COMMD10: variants seen among roughly 807,000 people sequenced by gnomAD.
The protein encoded by COMMD10 is COMM domain containing 10.
COMMD10 carries 33 observed loss-of-function variants against 28.9 expected under a neutral mutation model. The observed-to-expected ratio is 1.14, with a 90% CI of 0.87 to 1.53. The LOEUF is 1.53. Ranked by LOEUF, COMMD10 falls within the 40% of genes most tolerant of loss-of-function variation. The pLI is 0.00. For synonymous variants in COMMD10, 110 were observed against 81.7 expected (o/e 1.35, Z -1.87); for missense variants, 310 against 233.4 (o/e 1.33, Z -2.14).
chr5:116,284,166 T>A (rs969702439), intron 5 of COMMD10, among the ~76,000 whole-genome samples: 1 of 150,608 alleles, frequency 6.6e-6, no homozygotes, highest in African/African-American at 2.5e-5. Flanking sequence ...GATCAGCAAA[T>A]TTAATTTCTT....
chr5:116,109,512 T>C (rs1381306612), intron 4 of COMMD10, among the ~76,000 whole-genome samples: 1 of 152,176 alleles, frequency 6.6e-6, no homozygotes, highest in Non-Finnish European at 1.5e-5. Context: ...GAGAATTGCT[T>C]GAACCTGGGA....
At chr5:116,239,068 C>A (rs1463666660) in intron 5 of COMMD10, among the ~76,000 whole-genome samples, 1 of 152,136 alleles carries the variant, frequency 6.6e-6, no homozygotes, top group Non-Finnish European at 1.5e-5. Context: ...AAGTTCTTAA[C>A]TGTTGTCTCT....
At chr5:116,129,804 A>G (rs1233630743) in intron 4 of COMMD10, among the ~76,000 whole-genome samples, 2 of 144,930 alleles carry the variant, frequency 1.4e-5, no homozygotes, top group Non-Finnish European at 3.0e-5. Flanking sequence ...TATACTATAT[A>G]ATATATATTA....
At chr5:116,273,959 T>C (rs1169899747) in intron 5 of COMMD10, among the ~76,000 whole-genome samples, 1 of 151,788 alleles carries the variant, frequency 6.6e-6, no homozygotes, top group Non-Finnish European at 1.5e-5. Context: ...TAGAGAACTT[T>C]AGATGATATC....
At chr5:116,288,202 C>G (rs1427984938) in intron 5 of COMMD10, among the ~76,000 whole-genome samples, 4 of 151,744 alleles carry the variant, frequency 2.6e-5, no homozygotes, top group African/African-American at 9.7e-5. Flanking sequence ...TTGCCAGATG[C>G]AGTATTCCTG....
At chr5:116,183,616 A>T (rs1748046263) in intron 5 of COMMD10, among the ~76,000 whole-genome samples, 1 of 152,120 alleles carries the variant, frequency 6.6e-6, no homozygotes, top group Admixed American at 6.6e-5. Context: ...CTGTTTCTTT[A>T]TATTTTAAAG....
chr5:116,236,950 G>T (rs535594082), intron 5 of COMMD10, among the ~76,000 whole-genome samples: 143 of 152,138 alleles, frequency 9.4e-4, no homozygotes, highest in African/African-American at 2.6e-3. Context: ...AACTAAAGCC[G>T]ATCTAAAATA....
At chr5:116,214,947 T>A (rs1749059265) in intron 5 of COMMD10, among the ~76,000 whole-genome samples, 1 of 152,072 alleles carries the variant, frequency 6.6e-6, no homozygotes. Context: ...AGTCACAAAT[T>A]ATGGGGCTGG....
At chr5:116,113,639 T>G (rs866556109) in intron 4 of COMMD10, among the ~76,000 whole-genome samples, 1 of 152,106 alleles carries the variant, frequency 6.6e-6, no homozygotes, top group South Asian at 2.1e-4. Flanking sequence ...TTCCAGGATT[T>G]TTTTAAAGAC....
intron 5 of COMMD10, among the ~76,000 whole-genome samples, chr5:116,207,666 C>T (rs2112630140): frequency 6.6e-6 from 1 of 152,222 alleles, no homozygotes; most frequent in South Asian, 2.1e-4. Flanking sequence ...GCTGGGACCC[C>T]AGGCATGCAT....
chr5:116,205,562 A>G (rs1157070353), intron 5 of COMMD10, among the ~76,000 whole-genome samples: 1 of 152,184 alleles, frequency 6.6e-6, no homozygotes, highest in African/African-American at 2.4e-5. Context: ...ATATGTATAT[A>G]TACATGTGTG....
chr5:116,200,528 C>T (rs935461063), intron 5 of COMMD10, among the ~76,000 whole-genome samples: 8 of 151,790 alleles, frequency 5.3e-5, no homozygotes, highest in African/African-American at 1.9e-4. Flanking sequence ...GTTCTTTTCT[C>T]TTTCTTCTTC....
intron 5 of COMMD10, among the ~76,000 whole-genome samples, chr5:116,203,444 T>A (rs11738109): frequency 0.59 from 89,463 of 151,096 alleles, 30,577 homozygotes; most frequent in South Asian, 0.77. Context: ...ATTGTCACAT[T>A]CACCAAAGTT....
chr5:116,179,137 G>A (rs1567337), intron 5 of COMMD10, among the ~76,000 whole-genome samples: 61,967 of 151,956 alleles, frequency 0.41, 16,764 homozygotes, highest in African/African-American at 0.78. Flanking sequence ...TTGCAAAAAT[G>A]TAAAACGTAC....
At chr5:116,284,585 A>G (rs1280913086) in intron 5 of COMMD10, among the ~76,000 whole-genome samples, 1 of 151,888 alleles carries the variant, frequency 6.6e-6, no homozygotes, top group East Asian at 1.9e-4. Flanking sequence ...TTATCTAATG[A>G]CAGTGGTAGG....
At chr5:116,292,140 A>G (rs1176917599) in intron 6 of COMMD10, among the ~76,000 whole-genome samples, 1 of 151,732 alleles carries the variant, frequency 6.6e-6, no homozygotes, top group African/African-American at 2.4e-5. Context: ...ATAAAACCCC[A>G]TGTCTCATTA....
In COMMD10 at chr5:116,091,148, C is replaced by G. The variant is rs1419274426; in HGVS notation, c.202C>G (p.Leu68Val). 1 of 1,609,670 alleles carries G rather than the reference C, an allele frequency of 6.2e-7. No homozygotes were observed. Among genetic ancestry groups the G allele is most frequent in the Non-Finnish European group, 8.5e-7 (1 of 1,177,508 alleles). The change falls in exon 3 of 7, where the codon CTT becomes GTT. Residue 68 changes from leucine to valine, a missense_variant. Transcript: ENST00000274458. ...QAAFSLEKQDLHLVLETISFI... is the reference protein window; with the variant it reads ...QAAFSLEKQDVHLVLETISFI... ...GGCATTTTCTCTAGAGAAACAAGAT[C>G]TTCACCTAGTTCTTGAAACAATATC...
At chr5:116,178,579 A>T (rs928963877) in intron 5 of COMMD10, among the ~76,000 whole-genome samples, 4 of 152,106 alleles carry the variant, frequency 2.6e-5, no homozygotes, top group Non-Finnish European at 5.9e-5. Flanking sequence ...AACGGGGATG[A>T]TGCCCCCTAT....
chr5:116,133,088 A>G (rs976726686), intron 4 of COMMD10, among the ~76,000 whole-genome samples: 1 of 152,180 alleles, frequency 6.6e-6, no homozygotes, highest in Non-Finnish European at 1.5e-5. Flanking sequence ...AGTCAAGGAA[A>G]AATTGTGAGC....
Sources: gnomAD v4.1 joint callset for allele counts (sites outside exome capture counted in the v4.1 genomes callset) on GRCh38, gnomAD v4.1.1 for gene constraint, MANE v1.5 for transcripts, NCBI Gene and HGNC (gene_info 2026-07-23, HGNC 2026-07-21) for gene names.